Variants in LRP1B observed in about 807,000 individuals in gnomAD.
The protein encoded by LRP1B is LDL receptor related protein 1B, also known as low-density lipoprotein receptor-related protein 1B.
A neutral mutation model predicts 556.6 loss-of-function variants in LRP1B; 217 were observed. The ratio of observed to expected loss-of-function variants is 0.39; its 90% CI spans 0.35 to 0.44. The LOEUF (loss-of-function observed/expected upper bound fraction) is 0.44, where lower values mean the gene tolerates loss of function less well. LRP1B is among the 20% of genes least tolerant of loss of function. The pLI is 1.00. For synonymous variants in LRP1B, 2,047 were observed against 1,865.8 expected, an observed-to-expected ratio of 1.10 and a Z score of -2.50; for missense variants, 5,053 against 5,620.8, an observed-to-expected ratio of 0.90 and a Z score of 3.23.
intron 3 of LRP1B, among the ~76,000 whole-genome samples, chr2:141,257,635 TAGA>T (rs1200873345): frequency 6.6e-6 from 1 of 152,150 alleles, no homozygotes; most frequent in Non-Finnish European, 1.5e-5. Flanking sequence ...TAGCAAAATA[TAGA>T]AGGTCAAGTT....
chr2:141,115,932 G>A (rs1040915294), intron 7 of LRP1B, among the ~76,000 whole-genome samples: 3 of 152,090 alleles, frequency 2.0e-5, no homozygotes, highest in African/African-American at 4.8e-5. Context: ...TGAAAGCATC[G>A]TAAGAGAATG....
At chr2:141,764,163 G>C (rs772588475) in intron 2 of LRP1B, among the ~76,000 whole-genome samples, 2 of 152,054 alleles carry the variant, frequency 1.3e-5, no homozygotes, top group Non-Finnish European at 2.9e-5. Flanking sequence ...TCATAGGAAT[G>C]GGGCTCTGTC....
At chr2:141,369,949 A>G (rs1689169905) in intron 3 of LRP1B, among the ~76,000 whole-genome samples, 1 of 152,148 alleles carries the variant, frequency 6.6e-6, no homozygotes, top group Non-Finnish European at 1.5e-5. Flanking sequence ...AGTTCCATTC[A>G]TGTTGCTGCA....
At chr2:141,817,633 A>G (rs1696604731) in intron 1 of LRP1B, among the ~76,000 whole-genome samples, 1 of 152,134 alleles carries the variant, frequency 6.6e-6, no homozygotes, top group South Asian at 2.1e-4. Context: ...TTCAGAAAAC[A>G]GAAACTATGT....
At chr2:140,251,674 C>A (rs573159963) in intron 86 of LRP1B, among the ~76,000 whole-genome samples, 1 of 151,710 alleles carries the variant, frequency 6.6e-6, no homozygotes, top group Non-Finnish European at 1.5e-5. Flanking sequence ...TTAATATACC[C>A]CTTTCTTTCT....
intron 3 of LRP1B, among the ~76,000 whole-genome samples, chr2:141,429,219 C>G (rs1185525821): frequency 6.6e-6 from 1 of 152,116 alleles, no homozygotes; most frequent in Non-Finnish European, 1.5e-5. Context: ...CAATTAGACC[C>G]TTACAAATTT....
At chr2:141,474,280 T>C (rs561554060) in intron 3 of LRP1B, among the ~76,000 whole-genome samples, 121 of 152,282 alleles carry the variant, frequency 7.9e-4, no homozygotes, top group African/African-American at 2.9e-3. Flanking sequence ...AAATTTGGAA[T>C]ACATATAAGA....
At chr2:141,359,605 A>C (rs2105560835) in intron 3 of LRP1B, among the ~76,000 whole-genome samples, 1 of 151,114 alleles carries the variant, frequency 6.6e-6, no homozygotes, top group Middle Eastern at 3.4e-3. Context: ...AAAATACAAA[A>C]ATTAGCGGGG....
At chr2:142,119,037 T>C (rs1040069681) in intron 1 of LRP1B, among the ~76,000 whole-genome samples, 44 of 152,190 alleles carry the variant, frequency 2.9e-4, no homozygotes, top group African/African-American at 1.0e-3. Context: ...CTAGCAAATA[T>C]CTACCAAACC....
intron 50 of LRP1B, 24 bp from the exon 51 acceptor site, chr2:140,514,796 A>C (rs755375361): frequency 9.4e-6 from 15 of 1,598,974 alleles, no homozygotes; most frequent in Non-Finnish European, 1.3e-5. Flanking sequence ...AAAAGGAAAA[A>C]AAAAAATAGT....
intron 43 of LRP1B, among the ~76,000 whole-genome samples, chr2:140,543,088 T>C (rs1680196490): frequency 6.6e-6 from 1 of 152,168 alleles, no homozygotes; most frequent in Non-Finnish European, 1.5e-5. Context: ...TGTTCTAGTC[T>C]TCTCTAACAA....
At chr2:141,667,197 G>A (rs1289812111) in intron 2 of LRP1B, among the ~76,000 whole-genome samples, 1 of 151,988 alleles carries the variant, frequency 6.6e-6, no homozygotes, top group African/African-American at 2.4e-5. Flanking sequence ...AATACTAGAG[G>A]TTCCATTTTA....
intron 65 of LRP1B, 106 bp from the exon 66 acceptor site, chr2:140,442,729 T>G: frequency 9.1e-7 from 1 of 1,099,028 alleles, no homozygotes; most frequent in Non-Finnish European, 1.3e-6. Context: ...AAAAATGTAT[T>G]GTCTTTAAAT....
chr2:141,957,386 G>T (rs112022737), intron 1 of LRP1B, among the ~76,000 whole-genome samples: 33,186 of 101,200 alleles, frequency 0.33, 5,786 homozygotes, highest in East Asian at 0.58. Context: ...GTGTGTGTGG[G>T]GGGGGGGGGG....
chr2:142,109,030 A>G (rs1300090355), intron 1 of LRP1B, among the ~76,000 whole-genome samples: 1 of 152,160 alleles, frequency 6.6e-6, no homozygotes, highest in Non-Finnish European at 1.5e-5. Context: ...GTGCCTTATT[A>G]TTTCAGGACC....
At chr2:140,413,463 A>G (rs1438459906) in intron 66 of LRP1B, among the ~76,000 whole-genome samples, 1 of 152,174 alleles carries the variant, frequency 6.6e-6, no homozygotes, top group Non-Finnish European at 1.5e-5. Flanking sequence ...ACAACGCTAC[A>G]CCTAGAAAAG....
chr2:140,869,654 AT>A (rs1430535733), intron 25 of LRP1B, among the ~76,000 whole-genome samples: 2 of 152,076 alleles, frequency 1.3e-5, no homozygotes, highest in African/African-American at 4.8e-5. Context: ...TCAAAATATA[AT>A]TTGAAGGTAG....
chr2:140,382,740 A>G (rs1201499881), intron 67 of LRP1B, among the ~76,000 whole-genome samples: 4 of 152,196 alleles, frequency 2.6e-5, no homozygotes, highest in African/African-American at 9.6e-5. Flanking sequence ...ACAATTTAAA[A>G]AGTAAATGCA....
intron 1 of LRP1B, among the ~76,000 whole-genome samples, chr2:141,827,921 A>G (rs188934753): frequency 6.6e-6 from 1 of 152,128 alleles, no homozygotes; most frequent in East Asian, 1.9e-4. Flanking sequence ...TTCTCATATG[A>G]CTAATGCCAC....
Sources: gnomAD v4.1 joint callset for allele counts (sites outside exome capture counted in the v4.1 genomes callset) on GRCh38, gnomAD v4.1.1 for gene constraint, MANE v1.5 for transcripts, NCBI Gene and HGNC (gene_info 2026-07-23, HGNC 2026-07-21) for gene names.